The following MAST4 variants were observed in gnomAD, a reference collection of about 807,000 sequenced individuals.
The protein encoded by MAST4 is microtubule-associated serine/threonine-protein kinase 4.
A neutral mutation model predicts 162.7 loss-of-function variants in MAST4; 89 were observed. That is an observed-to-expected ratio of 0.55 (90% CI 0.46 to 0.65). The LOEUF (loss-of-function observed/expected upper bound fraction) is 0.65. Among genes scored for constraint, MAST4 ranks in the 30% least tolerant of loss-of-function variants. The pLI, the probability that MAST4 is intolerant of heterozygous loss-of-function variation, is 0.00. For synonymous variants in MAST4, 1,479 were observed against 1,361.1 expected, an observed-to-expected ratio of 1.09 and a Z score of -1.91; for missense variants, 3,153 against 3,374.0, an observed-to-expected ratio of 0.93 and a Z score of 1.62.
chr5:66,636,015 T>C (rs150234300), intron 1 of MAST4, among the ~76,000 whole-genome samples: 3,341 of 137,392 alleles, frequency 0.024, 81 homozygotes, highest in African/African-American at 0.064. Flanking sequence ...TAGAGTGCAG[T>C]TGTGCAATCT....
chr5:67,061,913 G>GT (rs1164753444), intron 5 of MAST4, among the ~76,000 whole-genome samples: 1 of 152,032 alleles, frequency 6.6e-6, no homozygotes, highest in Non-Finnish European at 1.5e-5. Context: ...CATTACAACA[G>GT]TTTTTTCCAC....
At chr5:66,784,878 G>A (rs1308429352) in intron 2 of MAST4, among the ~76,000 whole-genome samples, 1 of 152,126 alleles carries the variant, frequency 6.6e-6, no homozygotes, top group Admixed American at 6.5e-5. Context: ...AATATTGGGG[G>A]CTTGGAACTA....
intron 4 of MAST4, among the ~76,000 whole-genome samples, chr5:67,022,153 A>T (rs1431818303): frequency 6.6e-6 from 1 of 152,198 alleles, no homozygotes; most frequent in East Asian, 1.9e-4. Context: ...GACACTTAAT[A>T]AAGGTTTATT....
At chr5:66,699,349 T>C (rs1332964391) in intron 1 of MAST4, among the ~76,000 whole-genome samples, 1 of 152,218 alleles carries the variant, frequency 6.6e-6, no homozygotes, top group Non-Finnish European at 1.5e-5. Flanking sequence ...TGGAATTCTT[T>C]AGCACATTGC....
chr5:66,811,740 T>A (rs2149715030), intron 3 of MAST4, among the ~76,000 whole-genome samples: 1 of 152,268 alleles, frequency 6.6e-6, no homozygotes, highest in East Asian at 1.9e-4. Flanking sequence ...AAATGGGCAA[T>A]GAAAATGAGT....
chr5:66,875,378 T>C (rs1308275139), intron 3 of MAST4, among the ~76,000 whole-genome samples: 2 of 152,190 alleles, frequency 1.3e-5, no homozygotes, highest in Non-Finnish European at 2.9e-5. Flanking sequence ...ACATCAGTCA[T>C]CCATAAATTA....
chr5:67,130,184 A>G (rs978669974), intron 14 of MAST4, 26 bp from the exon 15 acceptor site: 11 of 1,593,150 alleles, frequency 6.9e-6, no homozygotes, highest in Non-Finnish European at 9.4e-6. Context: ...CCTCCTGTCA[A>G]CCCCAATACT....
intron 4 of MAST4, among the ~76,000 whole-genome samples, chr5:66,940,241 T>C (rs1193591269): frequency 6.6e-6 from 1 of 152,180 alleles, no homozygotes; most frequent in Admixed American, 6.5e-5. Context: ...TGGCTGTTGA[T>C]TCATCAGGGT....
chr5:66,596,599 C>A lies in MAST4; in HGVS notation c.-57C>A. 1.5e-6 allele frequency: 2 copies of A among 1,377,614 alleles called. No homozygotes were observed. Among genetic ancestry groups the A allele is most frequent in the Admixed American group, 3.2e-5 (1 of 31,260 alleles). 85.3% of individuals were successfully genotyped at this position (1,377,614 alleles called of 1,614,324 possible). ...AGGAGCCCGCGTCTTCCCCGGGAGG[C>A]GCTGAGTGCGCGCCGCGCCCCCGCC... On this transcript the variant is annotated 5_prime_UTR_variant, in exon 1 of 29. Coordinates refer to ENST00000403625, the MANE Select transcript of MAST4 (RefSeq NM_001164664.2).
intron 1 of MAST4, among the ~76,000 whole-genome samples, chr5:66,706,915 A>G (rs1206990602): frequency 1.3e-5 from 2 of 152,218 alleles, no homozygotes; most frequent in South Asian, 2.1e-4. Flanking sequence ...TAGAGTTCGT[A>G]GTCAAGATGT....
chr5:66,878,264 C>A (rs1481077395), intron 3 of MAST4, among the ~76,000 whole-genome samples: 1 of 152,202 alleles, frequency 6.6e-6, no homozygotes, highest in Non-Finnish European at 1.5e-5. Flanking sequence ...TTCCTGTGGG[C>A]CACGTTTGCC....
intron 3 of MAST4, among the ~76,000 whole-genome samples, chr5:66,806,882 T>G (rs6871758): frequency 0.048 from 7,345 of 152,208 alleles, 265 homozygotes; most frequent in South Asian, 0.13. Context: ...TCTAATTTCT[T>G]CCTTTGGCTT....
intron 3 of MAST4, among the ~76,000 whole-genome samples, chr5:66,822,827 T>C (rs770342568): frequency 7.9e-5 from 12 of 152,192 alleles, no homozygotes; most frequent in Non-Finnish European, 1.5e-4. Flanking sequence ...ACTGTTTCCT[T>C]CTTTGTTTAA....
chr5:66,761,424 A>G (rs1166354778), intron 2 of MAST4, among the ~76,000 whole-genome samples: 1 of 152,220 alleles, frequency 6.6e-6, no homozygotes, highest in African/African-American at 2.4e-5. Context: ...CTGTTATTTC[A>G]TCAGAGTACT....
intron 6 of MAST4, among the ~76,000 whole-genome samples, chr5:67,091,401 C>T (rs1233086867): frequency 6.6e-6 from 1 of 152,164 alleles, no homozygotes; most frequent in Middle Eastern, 3.2e-3. Context: ...AACATCATCT[C>T]CAGGGAACTT....
At chr5:67,118,082 A>G (rs901708968) in intron 12 of MAST4, among the ~76,000 whole-genome samples, 1 of 152,240 alleles carries the variant, frequency 6.6e-6, no homozygotes, top group Non-Finnish European at 1.5e-5. Flanking sequence ...TTTACCTTTT[A>G]CAGGGAAGAG....
At chr5:66,855,373 CTT>C (rs906765101) in intron 3 of MAST4, among the ~76,000 whole-genome samples, 2 of 152,212 alleles carry the variant, frequency 1.3e-5, no homozygotes, top group Non-Finnish European at 2.9e-5. Flanking sequence ...GCACCAACCT[CTT>C]TTCTTTATAA....
intron 3 of MAST4, among the ~76,000 whole-genome samples, chr5:66,895,371 A>G (rs182711576): frequency 6.8e-4 from 103 of 152,240 alleles, no homozygotes; most frequent in African/African-American, 2.2e-3. Flanking sequence ...ATGGCTTTAC[A>G]TACCATCTTA....
chr5:66,907,160 AGAG>A (rs1561433665), intron 4 of MAST4, among the ~76,000 whole-genome samples: 304 of 10,574 alleles, frequency 0.029, 8 homozygotes, highest in Middle Eastern at 0.12. Flanking sequence ...CAGCAAAGCG[AGAG>A]AGAGAGAGAG....
Sources: allele counts gnomAD v4.1 joint callset (sites outside exome capture counted in the v4.1 genomes callset), GRCh38; gene constraint gnomAD v4.1.1; transcripts MANE v1.5; gene names NCBI Gene and HGNC (gene_info 2026-07-23, HGNC 2026-07-21).